PRKDC: variants seen among roughly 807,000 people sequenced by gnomAD.
PRKDC encodes protein kinase, DNA-activated, catalytic subunit, also known as DNA-dependent protein kinase catalytic subunit.
PRKDC carries 82 observed loss-of-function variants against 486.9 expected under a neutral mutation model. That is an observed-to-expected ratio of 0.17 (90% CI 0.14 to 0.20). The LOEUF (loss-of-function observed/expected upper bound fraction) is 0.20. Among genes scored for constraint, PRKDC ranks in the 10% least tolerant of loss-of-function variants. The pLI, the probability that PRKDC is intolerant of heterozygous loss-of-function variation, is 1.00. For missense variants in PRKDC, 4,504 were observed against 5,038.2 expected (o/e 0.89, Z 3.21); for synonymous variants, 1,895 against 1,837.0 (o/e 1.03, Z -0.81).
At chr8:47,786,888 C>A (rs1203414973) in intron 76 of PRKDC, among the ~76,000 whole-genome samples, 3 of 151,600 alleles carry the variant, frequency 2.0e-5, no homozygotes, top group African/African-American at 7.3e-5. Flanking sequence ...CACCACCGTG[C>A]CTGGCTAATT....
chr8:47,830,116 T>C (rs1216724436), intron 61 of PRKDC, among the ~76,000 whole-genome samples: 1 of 151,586 alleles, frequency 6.6e-6, no homozygotes, highest in Non-Finnish European at 1.5e-5. Context: ...ACCCAGAAAA[T>C]GTGGTTTAGG....
At position 47,943,334 on chromosome 8, in the gene PRKDC, G is replaced by T; in HGVS notation, c.841C>A (p.Gln281Lys). The change falls in exon 10 of 86, where the codon CAG (glutamine) becomes AAG (lysine). Residue 281 changes from glutamine to lysine, a missense_variant. Transcript: ENST00000314191. ...GLRLFALHASQFSTCLLDNYV... is the reference protein window; with the variant it reads ...GLRLFALHASKFSTCLLDNYV... ...TTGTCCAGAAGGCAGGTGCTAAACT[G>T]AGATGCATGCAGGGCAAATAGGCGC... is the stretch of plus-strand genomic sequence containing the variant. 6.2e-7 allele frequency: 1 copy of T among 1,610,586 alleles called. No homozygotes were observed. The highest frequency in any genetic ancestry group is 8.5e-7 in the Non-Finnish European group (1 of 1,178,572).
chr8:47,870,356 T>C (rs939885769), intron 40 of PRKDC, among the ~76,000 whole-genome samples: 1 of 152,174 alleles, frequency 6.6e-6, no homozygotes, highest in African/African-American at 2.4e-5. Context: ...AGAGACTCCA[T>C]TTGTTTGAGA....
In PRKDC at chr8:47,894,195, C is replaced by T. The variant is rs982485126; in HGVS notation, c.3599-808G>A. Among the ~76,000 whole-genome samples the T allele has an allele frequency of 3.3e-5, 5 of 151,922 alleles. No homozygotes were observed. The East Asian group carries it at 5.8e-4, about 18-fold the overall frequency. On this transcript the variant is annotated intron_variant, in intron 30 of 85. Coordinates refer to ENST00000314191, the MANE Select transcript of PRKDC (RefSeq NM_006904.7). ...ACTCAGGAGGCTGAGGCAGGAGAAT[C>T]GCTTAAACGAGGGGGAGGTTGCAGT... is the stretch of plus-strand genomic sequence containing the variant.
intron 54 of PRKDC, among the ~76,000 whole-genome samples, chr8:47,847,298 AC>A (rs1415973599): frequency 6.6e-6 from 1 of 152,070 alleles, no homozygotes; most frequent in Non-Finnish European, 1.5e-5. Flanking sequence ...AAAACAAAAT[AC>A]AAAAAAACAC....
In PRKDC at chr8:47,939,707, C is replaced by T. The variant is rs186115112; in HGVS notation, c.967-10G>A. ...CCACCATATTAGAAACCTGCAAATA[C>T]ATAATATTTATTTTTTTGGAAATAT... is the stretch of plus-strand genomic sequence containing the variant. On this transcript the variant is annotated splice_polypyrimidine_tract_variant and intron_variant, in intron 10 of 85. Coordinates refer to ENST00000314191, the MANE Select transcript of PRKDC (RefSeq NM_006904.7). 2 of 1,562,174 alleles carry T rather than the reference C, an allele frequency of 1.3e-6. No individual in the cohort carries two copies. The highest frequency in any genetic ancestry group is 1.7e-6 in the Non-Finnish European group (2 of 1,152,598).
At chr8:47,949,881 T>TA (rs537251313) in intron 7 of PRKDC, among the ~76,000 whole-genome samples, 7 of 151,452 alleles carry the variant, frequency 4.6e-5, no homozygotes, top group East Asian at 1.9e-4. Flanking sequence ...CTACATAGGT[T>TA]AAAAAAAAAT....
chr8:47,905,847 CA>C (rs957067071), intron 25 of PRKDC, among the ~76,000 whole-genome samples: 1 of 152,092 alleles, frequency 6.6e-6, no homozygotes, highest in Non-Finnish European at 1.5e-5. Flanking sequence ...TTGTAAAATC[CA>C]AGATGTCTCC....
At chr8:47,870,941 C>T (rs1373869956) in intron 40 of PRKDC, among the ~76,000 whole-genome samples, 1 of 152,116 alleles carries the variant, frequency 6.6e-6, no homozygotes, top group Non-Finnish European at 1.5e-5. Flanking sequence ...AGATGACATA[C>T]TGAAGAATGC....
intron 25 of PRKDC, among the ~76,000 whole-genome samples, chr8:47,905,427 T>C (rs2089761604): frequency 6.6e-6 from 1 of 152,232 alleles, no homozygotes; most frequent in Non-Finnish European, 1.5e-5. Context: ...GAGGGCAATT[T>C]AGGATACATA....
rs888107328 is a variant in PRKDC, at chr8:47,960,113, C to T, written c.14G>A (p.Gly5Glu). 1 of 1,503,328 alleles carries T rather than the reference C, an allele frequency of 6.7e-7. No individual in the cohort carries two copies. Among genetic ancestry groups the T allele is most frequent in the African/African-American group, 1.4e-5 (1 of 69,568 alleles). The allele number at this position is 1,503,328 out of a possible 1,614,324, so 93.1% of individuals were successfully genotyped here. Reference sequence around the variant, plus strand: ...CAGCAGGGAGCAACGCACACCGGCTCCGGAGCCCGCCATGCCGCCGAGTCC... The same window carrying T: ...CAGCAGGGAGCAACGCACACCGGCTTCGGAGCCCGCCATGCCGCCGAGTCC... MAGS[G>E]AGVRCSLLRL... The change falls in exon 1 of 86, where the codon GGA (glycine) becomes GAA (glutamate). Residue 5 changes from glycine to glutamate, a missense_variant. Gly to Glu is a moderately conservative substitution (Grantham distance 98). Coordinates refer to ENST00000314191, the MANE Select transcript of PRKDC (RefSeq NM_006904.7).
intron 49 of PRKDC, among the ~76,000 whole-genome samples, chr8:47,855,879 C>G (rs1184799859): frequency 6.6e-6 from 1 of 152,182 alleles, no homozygotes; most frequent in African/African-American, 2.4e-5. Context: ...GCAAACAGAA[C>G]AAGGGGAGTC....
At chr8:47,887,041 G>A (rs1391640056) in intron 35 of PRKDC, among the ~76,000 whole-genome samples, 2 of 152,182 alleles carry the variant, frequency 1.3e-5, no homozygotes, top group Admixed American at 6.5e-5. Flanking sequence ...TGAAAAAGGG[G>A]TTTCTGCTAC....
At chr8:47,921,176 AC>A in intron 21 of PRKDC, among the ~76,000 whole-genome samples, 1 of 152,084 alleles carries the variant, frequency 6.6e-6, no homozygotes, top group African/African-American at 2.4e-5. Flanking sequence ...AATGGCGTGA[AC>A]CCAGGAGGTG....
chr8:47,864,896 G>T, intron 40 of PRKDC, 133 bp from the exon 41 acceptor site: 2 of 736,948 alleles, frequency 2.7e-6, no homozygotes, highest in Non-Finnish European at 4.0e-6. Context: ...CTATATATAT[G>T]CAAAATCCAC....
At chr8:47,832,062 G>A in intron 59 of PRKDC, 136 bp from the exon 60 acceptor site, 1 of 711,302 alleles carries the variant, frequency 1.4e-6, no homozygotes, top group Non-Finnish European at 2.4e-6. Flanking sequence ...AGGAGTGCAG[G>A]GGCCACAGCT....
intron 21 of PRKDC, 117 bp from the exon 22 acceptor site, chr8:47,918,500 A>T (rs1245319089): frequency 3.1e-6 from 2 of 642,020 alleles, no homozygotes; most frequent in East Asian, 3.1e-5. Flanking sequence ...ATTATGATTT[A>T]AAAAAATTAA....
intron 40 of PRKDC, among the ~76,000 whole-genome samples, chr8:47,869,184 C>T (rs780518696): frequency 6.6e-6 from 1 of 151,998 alleles, no homozygotes; most frequent in Non-Finnish European, 1.5e-5. Flanking sequence ...CCTGAGATAC[C>T]AGCTGTGGCC....
rs192289834 is a variant in PRKDC, at chr8:47,862,584, C to T, written c.5751-43G>A. 3.9e-5 allele frequency: 60 copies of T among 1,534,766 alleles called. No homozygotes were observed. The Admixed American group carries it at 1.2e-3, about 30-fold the overall frequency. On this transcript the variant is annotated intron_variant, in intron 42 of 85. Transcript: ENST00000314191. ...TGACAAATCAATTCACACAACATGG[C>T]AATCACTGCTCAAGCCCAACAATGC...
Sources: gnomAD v4.1 joint callset for allele counts (sites outside exome capture counted in the v4.1 genomes callset) on GRCh38, gnomAD v4.1.1 for gene constraint, MANE v1.5 for transcripts, NCBI Gene and HGNC (gene_info 2026-07-23, HGNC 2026-07-21) for gene names.